The following CNTNAP5 variants were observed in gnomAD, a reference collection of about 807,000 sequenced individuals.
CNTNAP5 encodes the protein contactin-associated protein-like 5.
In CNTNAP5, 72 loss-of-function variants were observed where a neutral mutation model predicts 150.2. The ratio of observed to expected loss-of-function variants is 0.48; its 90% confidence interval spans 0.40 to 0.58. The LOEUF is 0.58. Among genes scored for constraint, CNTNAP5 ranks in the 20% least tolerant of loss-of-function variants. The pLI is 0.00. For missense variants in CNTNAP5, 1,636 were observed against 1,626.2 expected (o/e 1.01, Z -0.10); for synonymous variants, 672 against 619.8 (o/e 1.08, Z -1.25).
At chr2:124,543,199 T>C (rs1024521330) in intron 10 of CNTNAP5, among the ~76,000 whole-genome samples, 1 of 152,018 alleles carries the variant, frequency 6.6e-6, no homozygotes, top group African/African-American at 2.4e-5. Flanking sequence ...AGCAAGGCCA[T>C]CACAAAATTA....
chr2:124,879,955 T>C (rs1462992338), intron 21 of CNTNAP5, among the ~76,000 whole-genome samples: 1 of 152,092 alleles, frequency 6.6e-6, no homozygotes, highest in African/African-American at 2.4e-5. Flanking sequence ...GGAAGCACTG[T>C]ATTGGCCAGA....
chr2:124,495,907 G>A (rs952102643), intron 7 of CNTNAP5, among the ~76,000 whole-genome samples: 1 of 151,822 alleles, frequency 6.6e-6, no homozygotes, highest in African/African-American at 2.4e-5. Context: ...AAATCCAAAG[G>A]CACCTCATAA....
chr2:124,736,816 G>A (rs1339692985), intron 13 of CNTNAP5, among the ~76,000 whole-genome samples: 2 of 151,958 alleles, frequency 1.3e-5, no homozygotes, highest in South Asian at 2.1e-4. Flanking sequence ...TTGGCATTTG[G>A]TCATTTGTTC....
chr2:124,061,182 C>G (rs574074851), intron 1 of CNTNAP5, among the ~76,000 whole-genome samples: 2 of 152,290 alleles, frequency 1.3e-5, no homozygotes, highest in Admixed American at 1.3e-4. Flanking sequence ...AACAAAGCCT[C>G]GGTATTTGCC....
chr2:124,858,167 C>T (rs536400027), intron 19 of CNTNAP5, among the ~76,000 whole-genome samples: 32 of 152,234 alleles, frequency 2.1e-4, no homozygotes, highest in Admixed American at 1.4e-3. Flanking sequence ...CCCTCTCTCA[C>T]CACTCCTATT....
At chr2:124,326,045 G>C (rs1689207410) in intron 3 of CNTNAP5, among the ~76,000 whole-genome samples, 1 of 152,030 alleles carries the variant, frequency 6.6e-6, no homozygotes, top group Admixed American at 6.5e-5. Flanking sequence ...GATAAATGAA[G>C]ATAACAAATA....
chr2:124,126,812 A>C (rs1213296156), intron 1 of CNTNAP5, among the ~76,000 whole-genome samples: 1 of 152,212 alleles, frequency 6.6e-6, no homozygotes, highest in Non-Finnish European at 1.5e-5. Flanking sequence ...CAAAAACCAC[A>C]TGATTGTCTC....
At chr2:124,367,327 G>C (rs946652244) in intron 3 of CNTNAP5, among the ~76,000 whole-genome samples, 1 of 152,098 alleles carries the variant, frequency 6.6e-6, no homozygotes, top group African/African-American at 2.4e-5. Flanking sequence ...TGCAGGGCTG[G>C]GGAGGCCTCA....
At chr2:124,472,242 T>C (rs185886124) in intron 6 of CNTNAP5, among the ~76,000 whole-genome samples, 8 of 152,184 alleles carry the variant, frequency 5.3e-5, no homozygotes, top group Non-Finnish European at 1.5e-5. Context: ...GTCTGTCACA[T>C]GGATTTTTGA....
At chr2:124,704,075 A>G (rs190254151) in intron 13 of CNTNAP5, among the ~76,000 whole-genome samples, 34 of 152,316 alleles carry the variant, frequency 2.2e-4, no homozygotes, top group Admixed American at 1.7e-3. Flanking sequence ...TTGTGGCACA[A>G]AAACACAGAA....
intron 1 of CNTNAP5, among the ~76,000 whole-genome samples, chr2:124,191,441 T>C (rs1685455181): frequency 6.6e-6 from 1 of 152,182 alleles, no homozygotes; most frequent in Non-Finnish European, 1.5e-5. Context: ...TTTCTTGCAA[T>C]GAAAGCCTTC....
chr2:124,161,276 C>T (rs1032955860), intron 1 of CNTNAP5, among the ~76,000 whole-genome samples: 2 of 152,206 alleles, frequency 1.3e-5, no homozygotes, highest in East Asian at 1.9e-4. Flanking sequence ...GGAGCTGAGA[C>T]GAAAACTTGG....
At chr2:124,820,684 T>C (rs566508253) in intron 19 of CNTNAP5, among the ~76,000 whole-genome samples, 30 of 152,182 alleles carry the variant, frequency 2.0e-4, no homozygotes, top group Non-Finnish European at 3.7e-4. Flanking sequence ...AATATGGTAG[T>C]CCCTCATATT....
In CNTNAP5 at chr2:124,302,096, G is replaced by T. The variant is rs574930652; in HGVS notation, c.381+59703G>T. Reference sequence around the variant, plus strand: ...GAGAAGGCAACTGTCTGTAAGCCATGTAGTGAGGCTGCAACAGAAACTAAA... The same window carrying T: ...GAGAAGGCAACTGTCTGTAAGCCATTTAGTGAGGCTGCAACAGAAACTAAA... On this transcript the variant is annotated intron_variant, in intron 3 of 23. Coordinates refer to ENST00000682447, the MANE Select transcript of CNTNAP5 (RefSeq NM_001367498.1). 3.9e-5 allele frequency among the ~76,000 whole-genome samples: 6 copies of T among 152,330 alleles called. No individual in the cohort carries two copies. In the South Asian group the frequency reaches 1.2e-3, roughly 32 times the overall value.
chr2:124,809,877 C>T (rs529570205), intron 19 of CNTNAP5, among the ~76,000 whole-genome samples: 2 of 152,214 alleles, frequency 1.3e-5, no homozygotes, highest in South Asian at 4.1e-4. Context: ...TGTTCTCTTA[C>T]CCAGCACAGT....
intron 10 of CNTNAP5, among the ~76,000 whole-genome samples, chr2:124,555,041 A>T (rs1695719027): frequency 6.6e-6 from 1 of 152,186 alleles, no homozygotes; most frequent in African/African-American, 2.4e-5. Flanking sequence ...TCTTCCTAAG[A>T]CTGTCAACTG....
chr2:124,207,889 T>C (rs999830060), intron 1 of CNTNAP5, among the ~76,000 whole-genome samples: 7 of 152,224 alleles, frequency 4.6e-5, no homozygotes, highest in African/African-American at 1.7e-4. Context: ...TCGATGCTTT[T>C]AAATTACAGC....
chr2:124,135,157 A>C (rs1371732315), intron 1 of CNTNAP5: 1 of 152,262 alleles, frequency 6.6e-6, no homozygotes, highest in Non-Finnish European at 1.5e-5. Flanking sequence ...CAAACACTGT[A>C]TAATTTTTCT....
chr2:124,460,436 T>G (rs1693218805), intron 6 of CNTNAP5, among the ~76,000 whole-genome samples: 1 of 152,228 alleles, frequency 6.6e-6, no homozygotes, highest in Non-Finnish European at 1.5e-5. Flanking sequence ...CCTAGTTTTC[T>G]TTAAAAACAC....
Sources: allele counts gnomAD v4.1 joint callset (sites outside exome capture counted in the v4.1 genomes callset), GRCh38; gene constraint gnomAD v4.1.1; transcripts MANE v1.5; gene names NCBI Gene and HGNC (gene_info 2026-07-23, HGNC 2026-07-21).